The following PHF12 variants were observed in gnomAD, a reference collection of about 807,000 sequenced individuals.
PHF12 encodes PHD finger protein 12.
PHF12 carries 6 observed loss-of-function variants against 99.8 expected under a neutral mutation model. That is an observed-to-expected ratio of 0.06 (90% confidence interval 0.03 to 0.12). The LOEUF (loss-of-function observed/expected upper bound fraction) is 0.12. PHF12 is among the 10% of genes least tolerant of loss of function. The pLI, the probability that PHF12 is intolerant of heterozygous loss-of-function variation, is 1.00. For missense variants in PHF12, 954 were observed against 1,300.1 expected (o/e 0.73, Z 4.09); for synonymous variants, 480 against 514.9 (o/e 0.93, Z 0.92).
At position 28,949,804 on chromosome 17, in the gene PHF12, C is replaced by A. The variant is rs2040777867; in HGVS notation, c.248+261G>T. The stretch of plus-strand genomic sequence containing the variant: ...CCCGGCCGGCTCTGTCCCGGCTCCC[C>A]AGCGACTTCCAATCCCATATGGGGT... On this transcript the variant is annotated intron_variant, in intron 2 of 14. Transcript: ENST00000332830. The surrounding 1 kb of genome is among the most constrained non-coding windows in gnomAD (Gnocchi z 4.6). 2.7e-6 allele frequency: 1 copy of A among 370,708 alleles called. No individual in the cohort carries two copies. The highest frequency in any genetic ancestry group is 4.8e-6 in the Non-Finnish European group (1 of 206,812). 23.0% of individuals were successfully genotyped at this position (370,708 alleles called of 1,614,324 possible). A position where few individuals can be genotyped will look rare whatever the true frequency, so the allele number is the denominator to read the frequency against.
At chr17:28,944,228 T>C (rs1489439191) in intron 2 of PHF12, among the ~76,000 whole-genome samples, 2 of 152,232 alleles carry the variant, frequency 1.3e-5, no homozygotes, top group Non-Finnish European at 2.9e-5. Context: ...TTAGTGAGCC[T>C]TAAGGAACAG....
Position 28,907,620 on chromosome 17 carries a change from G to A in PHF12, c.2511C>T (p.Ser837=), listed in dbSNP as rs770905812. ...CGTAGAATATGCAGGCATGTTTCCC[G>A]GACACGTAGTTACAGTGACCATAGT... ...LTNYGHCNYV[S]GKHACIFYDE... The change falls in exon 13 of 15, where the codon TCC becomes TCT. Residue 837 remains serine (S), a synonymous_variant. Transcript: ENST00000332830. 2.0e-5 allele frequency: 33 copies of A among 1,613,794 alleles called. No individual in the cohort carries two copies. The highest frequency in any genetic ancestry group is 6.7e-5 in the African/African-American group (5 of 74,880).
intron 11 of PHF12, chr17:28,909,805 G>C: frequency 2.0e-6 from 1 of 510,962 alleles, no homozygotes; most frequent in African/African-American, 1.9e-5. Context: ...TGCCCAGGCT[G>C]GTCTCCAACT....
In PHF12 at chr17:28,913,034, G is replaced by C. The variant is rs2039994938; in HGVS notation, c.1537C>G (p.Gln513Glu). 1.2e-6 allele frequency: 2 copies of C among 1,614,056 alleles called. No individual in the cohort carries two copies. Among genetic ancestry groups the C allele is most frequent in the Non-Finnish European group, 1.7e-6 (2 of 1,180,026 alleles). The change falls in exon 9 of 15, where the codon CAG becomes GAG. Residue 513 changes from glutamine (Q) to glutamate (E), a missense_variant. Coordinates refer to ENST00000332830, the MANE Select transcript of PHF12 (RefSeq NM_001033561.2). ...CCGATGTCCTCTAGGGCTGGGGACT[G>C]GTGGGGTGGAGAGCAGCTCAGGGAA... ...QNSLSCSPPH[Q>E]SPALEDIGCS...
At chr17:28,941,413 C>T (rs1452481521) in intron 2 of PHF12, among the ~76,000 whole-genome samples, 6 of 152,106 alleles carry the variant, frequency 3.9e-5, no homozygotes, top group Admixed American at 3.9e-4. Context: ...TTTTTATGAG[C>T]CATATAAAAC....
At chr17:28,930,478 A>G (rs1293913273) in intron 2 of PHF12, among the ~76,000 whole-genome samples, 1 of 152,190 alleles carries the variant, frequency 6.6e-6, no homozygotes, top group Non-Finnish European at 1.5e-5. Flanking sequence ...CTTCAAAGCT[A>G]TGAGGGGAGG....
chr17:28,936,637 C>T (rs1375855463), intron 2 of PHF12, among the ~76,000 whole-genome samples: 1 of 152,120 alleles, frequency 6.6e-6, no homozygotes, highest in East Asian at 1.9e-4. Flanking sequence ...CAGTTTCAGT[C>T]AAAATAAAAC....
At chr17:28,939,724 A>G (rs1422497935) in intron 2 of PHF12, among the ~76,000 whole-genome samples, 2 of 152,244 alleles carry the variant, frequency 1.3e-5, no homozygotes, top group Non-Finnish European at 2.9e-5. Flanking sequence ...GAGAAAAATA[A>G]TATTCAACAT....
At chr17:28,938,182 C>CA (rs2040542650) in intron 2 of PHF12, among the ~76,000 whole-genome samples, 1 of 152,110 alleles carries the variant, frequency 6.6e-6, no homozygotes, top group Admixed American at 6.6e-5. Flanking sequence ...GCTCAGAAAA[C>CA]AAAAAATACT....
intron 6 of PHF12, among the ~76,000 whole-genome samples, chr17:28,918,894 A>G (rs1360717772): frequency 1.3e-5 from 2 of 152,198 alleles, no homozygotes; most frequent in South Asian, 2.1e-4. Flanking sequence ...TTAATTCCCT[A>G]TAAGTCACTT....
chr17:28,923,654 A>C (rs1487949574), intron 4 of PHF12, among the ~76,000 whole-genome samples: 1 of 96,688 alleles, frequency 1.0e-5, no homozygotes, highest in Non-Finnish European at 2.1e-5. Flanking sequence ...TGAGACTCAC[A>C]AAAAAAAAAA....
intron 13 of PHF12, 88 bp from the exon 14 acceptor site, chr17:28,907,082 C>T (rs1006808037): frequency 7.0e-7 from 1 of 1,435,258 alleles, no homozygotes; most frequent in Non-Finnish European, 9.4e-7. Flanking sequence ...GAAGGCCGTG[C>T]TACTCTACCT....
In PHF12 at chr17:28,912,495, T is replaced by C. The variant is rs373622171; in HGVS notation, c.2076A>G (p.Pro692=). The change falls in exon 9 of 15, where the codon CCA becomes CCG. Residue 692 remains proline (P), a synonymous_variant. Coordinates refer to ENST00000332830, the MANE Select transcript of PHF12 (RefSeq NM_001033561.2). ...ATTANQRFSS[P]APSSDGKVSP... ...AGCAGCACTCACCTGACGATGGCGC[T>C]GGTGAGCTGAATCGTTGGTTGGCTG... 1.9e-6 allele frequency: 3 copies of C among 1,599,350 alleles called. No homozygotes were observed. Among genetic ancestry groups the C allele is most frequent in the East Asian group, 2.2e-5 (1 of 44,650 alleles).
At chr17:28,924,705 C>T (rs1257488899) in intron 3 of PHF12, 27 of 273,966 alleles carry the variant, frequency 9.9e-5, no homozygotes, top group Non-Finnish European at 7.2e-6. Context: ...AATCCCAGCA[C>T]TTTGGGAGGC....
At chr17:28,948,749 TAAAAC>T (rs1158649527) in intron 2 of PHF12, among the ~76,000 whole-genome samples, 1 of 151,982 alleles carries the variant, frequency 6.6e-6, no homozygotes, top group East Asian at 1.9e-4. Flanking sequence ...AAATTTCACT[TAAAAC>T]AAAATAAAAA....
chr17:28,912,278 C>T (rs1026701113), intron 9 of PHF12: 2 of 1,343,028 alleles, frequency 1.5e-6, no homozygotes, highest in Non-Finnish European at 1.9e-6. Context: ...ATCACTGAAG[C>T]TTTCAGAGCC....
In PHF12 at chr17:28,912,763, T is replaced by C. The variant is rs769197209; in HGVS notation, c.1808A>G (p.Lys603Arg). ...GCTGGGGCCAGTGGCATTCTCTGTC[T>C]TCACAATGATGCCGACGGTGTGGTT... ...LQNHTVGIIV[K>R]TENATGPSSC... is the part of the protein sequence containing the mutation. Residue 603 changes from lysine to arginine, a missense_variant, in exon 9 of 15, where the codon AAG becomes AGG. This residue lies in a region of PHF12 where 392 missense variants were observed against 423.1 expected (regional missense o/e 0.93). Transcript: ENST00000332830. 1 of 1,614,056 alleles carries C rather than the reference T, an allele frequency of 6.2e-7. No individual in the cohort carries two copies. Among genetic ancestry groups the C allele is most frequent in the South Asian group, 1.1e-5 (1 of 91,082 alleles).
chr17:28,915,597 AC>A (rs1161130303), intron 7 of PHF12, among the ~76,000 whole-genome samples: 1 of 152,156 alleles, frequency 6.6e-6, no homozygotes, highest in African/African-American at 2.4e-5. Flanking sequence ...GGAGGAATAA[AC>A]AGTGGACTAG....
Position 28,913,284 on chromosome 17 carries a change from T to C in PHF12, c.1294-7A>G. ...CAACAACACTACAGAGCCACTGCAA[T>C]GGAAGGAGAGGAGAGGGGGGTGAGA... On this transcript the variant is annotated splice_polypyrimidine_tract_variant and splice_region_variant and intron_variant, in intron 8 of 14. Transcript: ENST00000332830. 5 of 1,595,852 alleles carry C rather than the reference T, an allele frequency of 3.1e-6. No homozygotes were observed. Among genetic ancestry groups the C allele is most frequent in the South Asian group, 1.1e-5 (1 of 88,796 alleles).
Sources: gnomAD v4.1 joint callset for allele counts (sites outside exome capture counted in the v4.1 genomes callset) on GRCh38, gnomAD v4.1.1 for gene constraint, gnomAD v4.1.1 regional missense constraint, Gnocchi (gnomAD v3.1) non-coding constraint, MANE v1.5 for transcripts, NCBI Gene and HGNC (gene_info 2026-07-23, HGNC 2026-07-21) for gene names.